PCDHGB1: variants seen among roughly 807,000 people sequenced by gnomAD.
PCDHGB1 encodes protocadherin gamma subfamily B, 1, also known as protocadherin gamma-B1.
A neutral mutation model predicts 56.6 loss-of-function variants in PCDHGB1; 34 were observed. The observed-to-expected ratio is 0.60, with a 90% CI of 0.46 to 0.80. The LOEUF is 0.80. Among genes scored for constraint, PCDHGB1 ranks in the 30% least tolerant of loss-of-function variants. The pLI is 0.00. For synonymous variants in PCDHGB1, 561 were observed against 505.9 expected, an observed-to-expected ratio of 1.11 and a Z score of -1.46; for missense variants, 1,278 against 1,204.6, an observed-to-expected ratio of 1.06 and a Z score of -0.90.
At chr5:141,443,538 G>C (rs768723399) in intron 1 of PCDHGB1, among the ~76,000 whole-genome samples, 11 of 152,118 alleles carry the variant, frequency 7.2e-5, no homozygotes. Flanking sequence ...TTTAAAGCTT[G>C]GGAAATTGTT....
intron 1 of PCDHGB1, among the ~76,000 whole-genome samples, chr5:141,359,359 C>A: frequency 6.6e-6 from 1 of 151,714 alleles, no homozygotes; most frequent in East Asian, 1.9e-4. Context: ...GTTTTAAAGG[C>A]CTAGGAAAGC....
chr5:141,351,538 A>G lies in PCDHGB1; in HGVS notation c.1278A>G (p.Pro426=). The G allele has an allele frequency of 6.2e-7, 1 of 1,614,006 alleles. No homozygotes were observed. Among genetic ancestry groups the G allele is most frequent in the Non-Finnish European group, 8.5e-7 (1 of 1,179,882 alleles). ...VTIIATDKGK[P]ALSSRTSITL... ...TCATAGCCACCGACAAGGGCAAACC[A>G]GCCCTTTCCTCCAGGACAAGCATCA... The change falls in exon 1 of 4, where the codon CCA becomes CCG. Residue 426 remains proline, a synonymous_variant. Transcript: ENST00000523390.
rs749514405 is a variant in PCDHGB1, at chr5:141,361,238, T to A, written c.2409+8569T>A. The A allele has an allele frequency of 1.9e-6, 3 of 1,613,980 alleles. No individual in the cohort carries two copies. The Admixed American group carries it at 5.0e-5, about 27-fold the overall frequency. ...TCGCCACCAGGAACAGTGATCGCCT[T>A]GATAAAAACGAGAGACAGAGACTCT... is the stretch of plus-strand genomic sequence containing the variant. On this transcript the variant is annotated intron_variant, in intron 1 of 3. Coordinates refer to ENST00000523390, the MANE Select transcript of PCDHGB1 (RefSeq NM_018922.3).
chr5:141,359,488 T>C (rs1295415918), intron 1 of PCDHGB1, among the ~76,000 whole-genome samples: 2 of 151,294 alleles, frequency 1.3e-5, no homozygotes, highest in Non-Finnish European at 2.9e-5. Context: ...TATATTCATA[T>C]TACGGACTAC....
chr5:141,362,635 C>T (rs1762607896), intron 1 of PCDHGB1: 2 of 1,483,024 alleles, frequency 1.3e-6, no homozygotes, highest in Non-Finnish European at 1.8e-6. Context: ...CTGCGTATTT[C>T]TTTGTCTGTG....
At chr5:141,364,714 T>C in intron 1 of PCDHGB1, 1 of 1,613,970 alleles carries the variant, frequency 6.2e-7, no homozygotes, top group South Asian at 1.1e-5. Context: ...ATATTAATGA[T>C]AACTTCCCGC....
chr5:141,384,524 T>C, intron 1 of PCDHGB1: 1 of 1,614,208 alleles, frequency 6.2e-7, no homozygotes. Context: ...GACCCGCCTC[T>C]CAGCAGCAAC....
Position 141,490,270 on chromosome 5 carries a change from A to G in PCDHGB1, c.2410-4537A>G. On this transcript the variant is annotated intron_variant, in intron 1 of 3. Coordinates refer to ENST00000523390, the MANE Select transcript of PCDHGB1 (RefSeq NM_018922.3). The surrounding 1 kb of genome is among the most constrained non-coding windows in gnomAD (Gnocchi z 5.4). The stretch of plus-strand genomic sequence containing the variant: ...GATTCAAGTGGATGTGGGGGATGTC[A>G]ATGACAATGCCCCAGAGGTGCTATT... The G allele has an allele frequency of 6.2e-7, 1 of 1,614,226 alleles. No individual in the cohort carries two copies. Among genetic ancestry groups the G allele is most frequent in the African/African-American group, 1.3e-5 (1 of 75,060 alleles).
intron 1 of PCDHGB1, chr5:141,399,076 G>A (rs767415619): frequency 1.2e-6 from 2 of 1,613,850 alleles, no homozygotes; most frequent in Non-Finnish European, 1.7e-6. Flanking sequence ...GGTTGTAGAA[G>A]GGAGGGATGG....
chr5:141,392,883 T>C, intron 1 of PCDHGB1: 1 of 1,613,518 alleles, frequency 6.2e-7, no homozygotes, highest in Non-Finnish European at 8.5e-7. Flanking sequence ...GGGAACGCTG[T>C]GGGAAATCGG....
At chr5:141,402,682 T>A (rs1012328239) in intron 1 of PCDHGB1, among the ~76,000 whole-genome samples, 1 of 152,138 alleles carries the variant, frequency 6.6e-6, no homozygotes, top group East Asian at 1.9e-4. Context: ...CCATCTGATA[T>A]AATGTTACAC....
chr5:141,455,476 G>C (rs2098823789), intron 1 of PCDHGB1, among the ~76,000 whole-genome samples: 1 of 152,218 alleles, frequency 6.6e-6, no homozygotes. Flanking sequence ...ATATGCAGAG[G>C]CTGGTGGAGG....
At chr5:141,478,816 A>G in intron 1 of PCDHGB1, 1 of 1,450,826 alleles carries the variant, frequency 6.9e-7, no homozygotes, top group Non-Finnish European at 9.1e-7. Context: ...TATCACAACT[A>G]ACCAATCTTG....
At chr5:141,433,360 T>C (rs1313053553) in intron 1 of PCDHGB1, 46 of 298,056 alleles carry the variant, frequency 1.5e-4, no homozygotes, top group Non-Finnish European at 2.5e-4. Context: ...ACTGTCTGCC[T>C]ATCTATCTAT....
chr5:141,441,656 C>A, intron 1 of PCDHGB1: 1 of 247,684 alleles, frequency 4.0e-6, no homozygotes, highest in Non-Finnish European at 8.1e-6. Flanking sequence ...TCTAGGTGTC[C>A]TTGAGCGCAC....
intron 1 of PCDHGB1, chr5:141,376,371 C>T: frequency 1.2e-6 from 2 of 1,614,196 alleles, no homozygotes; most frequent in African/African-American, 1.3e-5. Flanking sequence ...ACTGCAGACT[C>T]GCGTAAGAGT....
chr5:141,421,782 C>A, intron 1 of PCDHGB1: 1 of 1,613,878 alleles, frequency 6.2e-7, no homozygotes, highest in Non-Finnish European at 8.5e-7. Context: ...AACTGCGGGG[C>A]AGAACGGATG....
At chr5:141,374,161 C>G in intron 1 of PCDHGB1, 1 of 1,612,316 alleles carries the variant, frequency 6.2e-7, no homozygotes, top group South Asian at 1.1e-5. Flanking sequence ...TGTGGGGGGC[C>G]GCGGCAGCGC....
chr5:141,389,205 G>A, intron 1 of PCDHGB1: 1 of 1,614,040 alleles, frequency 6.2e-7, no homozygotes, highest in Non-Finnish European at 8.5e-7. Flanking sequence ...CCTGCACATT[G>A]GTGATGTAAA....
Sources: gnomAD v4.1 joint callset for allele counts (sites outside exome capture counted in the v4.1 genomes callset) on GRCh38, gnomAD v4.1.1 for gene constraint, Gnocchi (gnomAD v3.1) non-coding constraint, MANE v1.5 for transcripts, NCBI Gene and HGNC (gene_info 2026-07-23, HGNC 2026-07-21) for gene names.